The following MS4A4E variants were observed in gnomAD, a reference collection of about 807,000 sequenced individuals.
MS4A4E encodes the protein putative membrane-spanning 4-domains subfamily A member 4E.
In MS4A4E, 23 loss-of-function variants were observed where a neutral mutation model predicts 13.3. That is an observed-to-expected ratio of 1.73 (90% CI 1.25 to 2.45). The LOEUF is 2.45. Ranked by LOEUF, MS4A4E falls within the 30% of genes most tolerant of loss-of-function variation. The pLI, the probability that MS4A4E is intolerant of heterozygous loss-of-function variation, is 0.00. For missense variants in MS4A4E, 144 were observed against 131.2 expected, an observed-to-expected ratio of 1.10 and a Z score of -0.48; for synonymous variants, 36 against 45.6, an observed-to-expected ratio of 0.79 and a Z score of 0.85.
At chr11:60,221,596 G>T (rs1289358760) in intron 3 of MS4A4E, among the ~76,000 whole-genome samples, 1 of 152,226 alleles carries the variant, frequency 6.6e-6, no homozygotes, top group Non-Finnish European at 1.5e-5. Context: ...AATCGTCCCA[G>T]TGGGCAGAAT....
At chr11:60,241,047 G>A (rs1047018969) in intron 1 of MS4A4E, among the ~76,000 whole-genome samples, 12 of 151,600 alleles carry the variant, frequency 7.9e-5, no homozygotes, top group East Asian at 3.9e-4. Context: ...ATTTTGAGGC[G>A]GAGTCTCGCT....
At chr11:60,239,193 T>A (rs750590058) in intron 1 of MS4A4E, among the ~76,000 whole-genome samples, 1 of 152,214 alleles carries the variant, frequency 6.6e-6, no homozygotes, top group Non-Finnish European at 1.5e-5. Context: ...CACTCCTTAC[T>A]CAAGTTAATT....
intron 1 of MS4A4E, among the ~76,000 whole-genome samples, chr11:60,239,159 C>T (rs1055328109): frequency 6.6e-5 from 10 of 152,148 alleles, no homozygotes; most frequent in African/African-American, 2.4e-4. Context: ...AATTAAATTA[C>T]CCGGATTTAA....
intron 3 of MS4A4E, among the ~76,000 whole-genome samples, chr11:60,222,592 A>G (rs1315767082): frequency 6.6e-6 from 1 of 152,218 alleles, no homozygotes; most frequent in Non-Finnish European, 1.5e-5. Flanking sequence ...ATCAAGGGGT[A>G]TAAGTGGAAG....
chr11:60,236,678 G>C lies in MS4A4E; in HGVS notation c.-17+6280C>G, dbSNP rs1216984869. On this transcript the variant is annotated intron_variant, in intron 1 of 8. Transcript: ENST00000651255. ...AACTTCAGGGGTACATGTGCAGGTT[G>C]GTCATACAGGTATTGTGTCATAGGG... 3.3e-5 allele frequency among the ~76,000 whole-genome samples: 5 copies of C among 150,516 alleles called. No individual in the cohort carries two copies. In the East Asian group the frequency reaches 7.8e-4, roughly 23 times the overall value.
chr11:60,226,359 C>T (rs1421228063), intron 3 of MS4A4E, among the ~76,000 whole-genome samples: 1 of 151,658 alleles, frequency 6.6e-6, no homozygotes, highest in Non-Finnish European at 1.5e-5. Flanking sequence ...ACCAACATCT[C>T]TGGTGAACAA....
intron 1 of MS4A4E, among the ~76,000 whole-genome samples, chr11:60,230,980 T>C (rs550900813): frequency 4.0e-5 from 6 of 151,856 alleles, no homozygotes; most frequent in African/African-American, 1.2e-4. Context: ...ATTGGTAACA[T>C]AAATGAAAAA....
chr11:60,206,228 GT>G (rs34670639), intron 6 of MS4A4E, among the ~76,000 whole-genome samples: 13 of 151,940 alleles, frequency 8.6e-5, no homozygotes, highest in African/African-American at 3.1e-4. Flanking sequence ...AGAAGTATGT[GT>G]TTTGCATGGA....
In MS4A4E at chr11:60,200,859, A is replaced by G. The variant is rs1565113841; in HGVS notation, c.*684T>C. ...GCAGAGGGGCTCCTCACTTCCCAGT[A>G]GGGGCGGCTGGGCAGAGGCACCCCT... On this transcript the variant is annotated 3_prime_UTR_variant, in exon 9 of 9. Transcript: ENST00000651255. Among the ~76,000 whole-genome samples the G allele has an allele frequency of 6.7e-6, 1 of 149,026 alleles. No individual in the cohort carries two copies. Among genetic ancestry groups the G allele is most frequent in the Non-Finnish European group, 1.5e-5 (1 of 67,376 alleles).
rs189673054 is a variant in MS4A4E at position 60,217,603 on chromosome 11, T to C, written c.179-2989A>G. 3.8e-3 allele frequency among the ~76,000 whole-genome samples: 583 copies of C among 152,268 alleles called. 4 individuals are homozygous for C. Among genetic ancestry groups the C allele is most frequent in the African/African-American group, 0.013 (527 of 41,556 alleles). ...ACCGGCTGAAGCCATGGCAGAAGAA[T>C]GTGGATTGTGAAGATTTCATGGACA... is the stretch of plus-strand genomic sequence containing the variant. On this transcript the variant is annotated intron_variant, in intron 3 of 8. Coordinates refer to ENST00000651255, the MANE Select transcript of MS4A4E (RefSeq NM_001393391.1).
At chr11:60,218,305 G>A (rs1037941247) in intron 3 of MS4A4E, among the ~76,000 whole-genome samples, 6 of 152,040 alleles carry the variant, frequency 3.9e-5, no homozygotes, top group African/African-American at 9.7e-5. Context: ...ATTTCACCCC[G>A]GTACTGTGGT....
intron 8 of MS4A4E, among the ~76,000 whole-genome samples, 158 bp downstream of exon 8, chr11:60,204,732 G>C (rs2084019289): frequency 6.6e-6 from 1 of 151,988 alleles, no homozygotes; most frequent in Non-Finnish European, 1.5e-5. Context: ...TTCCTTTACA[G>C]ACACACACGT....
At chr11:60,236,731 A>AG (rs1471014691) in intron 1 of MS4A4E, among the ~76,000 whole-genome samples, 1 of 149,394 alleles carries the variant, frequency 6.7e-6, no homozygotes, top group Non-Finnish European at 1.5e-5. Context: ...TTTATCATCC[A>AG]GGTTTTTTTT....
intron 6 of MS4A4E, among the ~76,000 whole-genome samples, chr11:60,206,489 G>GCA (rs2134914323): frequency 1.0e-5 from 1 of 97,568 alleles, no homozygotes; most frequent in Admixed American, 1.1e-4. Context: ...ATATATATAT[G>GCA]TATATATATA....
At chr11:60,207,439 C>T (rs545163577) in intron 6 of MS4A4E, among the ~76,000 whole-genome samples, 5 of 152,174 alleles carry the variant, frequency 3.3e-5, no homozygotes, top group Admixed American at 1.3e-4. Flanking sequence ...TCTCTCACCT[C>T]TAGGGTTTTA....
At chr11:60,223,925 T>G (rs927697684) in intron 3 of MS4A4E, among the ~76,000 whole-genome samples, 2 of 152,194 alleles carry the variant, frequency 1.3e-5, no homozygotes, top group Non-Finnish European at 2.9e-5. Context: ...CTATTAGTTA[T>G]GTCCCTCTAG....
chr11:60,237,949 G>C (rs966157841), intron 1 of MS4A4E, among the ~76,000 whole-genome samples: 2 of 151,382 alleles, frequency 1.3e-5, no homozygotes, highest in Non-Finnish European at 2.9e-5. Flanking sequence ...GGCTTTTTGC[G>C]GTTTTTGTCT....
At chr11:60,240,622 A>G (rs545355954) in intron 1 of MS4A4E, among the ~76,000 whole-genome samples, 54 of 152,112 alleles carry the variant, frequency 3.6e-4, no homozygotes, top group African/African-American at 1.3e-3. Context: ...TCTCCTTTTT[A>G]TTTTTTAAAG....
At position 60,227,617 on chromosome 11, in the gene MS4A4E, G is replaced by C. The variant is rs576324457; in HGVS notation, c.178+977C>G. ...GATAAACTGACTCTAAAGTTTATAGGGAAAGGCAAAAGACTTAGAATAACA... is the reference window on the plus strand; with the variant it reads ...GATAAACTGACTCTAAAGTTTATAGCGAAAGGCAAAAGACTTAGAATAACA... On this transcript the variant is annotated intron_variant, in intron 3 of 8. Transcript: ENST00000651255. Among the ~76,000 whole-genome samples the C allele has an allele frequency of 2.0e-5, 3 of 152,050 alleles. 1 individual carries two copies. In the East Asian group the frequency reaches 5.8e-4, roughly 29 times the overall value.
Sources: allele counts gnomAD v4.1 joint callset (sites outside exome capture counted in the v4.1 genomes callset), GRCh38; gene constraint gnomAD v4.1.1; transcripts MANE v1.5; gene names NCBI Gene and HGNC (gene_info 2026-07-23, HGNC 2026-07-21).